KCNB2: variants seen among roughly 807,000 people sequenced by gnomAD.
The protein encoded by KCNB2 is potassium voltage-gated channel subfamily B member 2, also known as delayed rectifier potassium channel protein.
Under a neutral mutation model 61.5 loss-of-function variants are expected in KCNB2, and 15 were observed. The ratio of observed to expected loss-of-function variants is 0.24; its 90% CI spans 0.16 to 0.38. The LOEUF is 0.38. Ranked by LOEUF, KCNB2 falls within the 10% of genes least tolerant of loss-of-function variation. The probability of loss-of-function intolerance (pLI) is 1.00; values close to 1 mark genes in which losing one functional copy is unlikely to be tolerated. For missense variants in KCNB2, 828 were observed against 1,125.2 expected, an observed-to-expected ratio of 0.74 and a Z score of 3.78; for synonymous variants, 457 against 446.0, an observed-to-expected ratio of 1.02 and a Z score of -0.31.
At chr8:72,599,612 A>G (rs952370352) in intron 2 of KCNB2, among the ~76,000 whole-genome samples, 2 of 152,202 alleles carry the variant, frequency 1.3e-5, no homozygotes, top group Admixed American at 6.5e-5. Context: ...TAATTAAACT[A>G]AAGAGCTTCT....
chr8:72,918,796 T>G (rs1048353201), intron 2 of KCNB2, among the ~76,000 whole-genome samples: 1 of 152,182 alleles, frequency 6.6e-6, no homozygotes, highest in Admixed American at 6.5e-5. Flanking sequence ...CCAGGGCTCA[T>G]TGGGTTGCAG....
chr8:72,537,336 ACACCCACCAAGCACC>A lies in KCNB2; in HGVS notation c.-638_-624del, dbSNP rs1274023951. On this transcript the variant is annotated 5_prime_UTR_variant, in exon 1 of 3. Transcript: ENST00000523207. ...CTCTACCCTGCTCCGCCACAGACACACACCCACCAAGCACCCACCGCCCTCCGCCCTCCGCCCTCC... is the reference window on the plus strand; with the variant it reads ...CTCTACCCTGCTCCGCCACAGACACACACCGCCCTCCGCCCTCCGCCCTCC... The A allele has an allele frequency of 6.6e-6, 1 of 151,098 alleles. No homozygotes were observed. Among genetic ancestry groups the A allele is most frequent in the Non-Finnish European group, 1.5e-5 (1 of 67,746 alleles). 9.4% of individuals were successfully genotyped at this position (151,098 alleles called of 1,614,324 possible).
chr8:72,661,629 G>A (rs1348078766), intron 2 of KCNB2, among the ~76,000 whole-genome samples: 2 of 152,262 alleles, frequency 1.3e-5, no homozygotes, highest in East Asian at 1.9e-4. Flanking sequence ...CTTCCTTGAG[G>A]AGTAGAATTT....
chr8:72,567,084 G>A (rs953596557), intron 1 of KCNB2, among the ~76,000 whole-genome samples: 3 of 152,214 alleles, frequency 2.0e-5, no homozygotes, highest in East Asian at 1.9e-4. Context: ...ACTTTGGAAC[G>A]CTGAGGCAGG....
At chr8:72,656,617 C>T (rs551183017) in intron 2 of KCNB2, among the ~76,000 whole-genome samples, 2 of 152,194 alleles carry the variant, frequency 1.3e-5, no homozygotes, top group African/African-American at 2.4e-5. Context: ...AGTCAAGTTA[C>T]GATTATAATG....
chr8:72,904,404 G>A (rs985081537), intron 2 of KCNB2, among the ~76,000 whole-genome samples: 5 of 152,088 alleles, frequency 3.3e-5, no homozygotes, highest in Admixed American at 3.3e-4. Context: ...AGAATAACTT[G>A]TGGGTGCTGG....
chr8:72,557,401 TTTTAC>T, intron 1 of KCNB2, among the ~76,000 whole-genome samples: 1 of 77,290 alleles, frequency 1.3e-5, no homozygotes. Context: ...CATTCTTTTC[TTTTAC>T]TTTTCTTTAT....
intron 1 of KCNB2, among the ~76,000 whole-genome samples, chr8:72,538,954 T>G (rs570384593): frequency 6.6e-6 from 1 of 152,338 alleles, no homozygotes; most frequent in African/African-American, 2.4e-5. Flanking sequence ...GTCAAAAATC[T>G]TGTCTTACCT....
intron 2 of KCNB2, among the ~76,000 whole-genome samples, chr8:72,657,892 T>C (rs1161662078): frequency 6.6e-6 from 1 of 152,174 alleles, no homozygotes; most frequent in Non-Finnish European, 1.5e-5. Context: ...TTCGCACCCA[T>C]ATAAGACAGA....
At chr8:72,909,530 G>A (rs1172495323) in intron 2 of KCNB2, among the ~76,000 whole-genome samples, 1 of 152,092 alleles carries the variant, frequency 6.6e-6, no homozygotes, top group Non-Finnish European at 1.5e-5. Flanking sequence ...AAGCTTTATG[G>A]TGAGAACAAT....
At chr8:72,913,470 T>A (rs1806336833) in intron 2 of KCNB2, among the ~76,000 whole-genome samples, 1 of 152,214 alleles carries the variant, frequency 6.6e-6, no homozygotes, top group Admixed American at 6.5e-5. Context: ...CTTATAGAAA[T>A]ACCAAGGTAC....
intron 2 of KCNB2, among the ~76,000 whole-genome samples, chr8:72,717,141 C>G (rs1807458501): frequency 6.6e-6 from 1 of 152,142 alleles, no homozygotes; most frequent in Non-Finnish European, 1.5e-5. Flanking sequence ...AACTACAAAT[C>G]ACAACTCAAT....
At chr8:72,933,845 T>A (rs1806842167) in intron 2 of KCNB2, among the ~76,000 whole-genome samples, 1 of 152,236 alleles carries the variant, frequency 6.6e-6, no homozygotes, top group Non-Finnish European at 1.5e-5. Flanking sequence ...GACCTTTATT[T>A]TTCTATTGTG....
chr8:72,896,397 A>G (rs962293768), intron 2 of KCNB2, among the ~76,000 whole-genome samples: 4 of 152,154 alleles, frequency 2.6e-5, no homozygotes, highest in South Asian at 2.1e-4. Context: ...TGAGCACAGT[A>G]TCTTTCATAA....
At position 72,607,542 on chromosome 8, in the gene KCNB2, G is replaced by A. The variant is rs114569229; in HGVS notation, c.579+39229G>A. On this transcript the variant is annotated intron_variant, in intron 2 of 2. Coordinates refer to ENST00000523207, the MANE Select transcript of KCNB2 (RefSeq NM_004770.3). ...CTGGCAAATGCAAATATATTGAAAT[G>A]TATGAAGAATAATGAGGATAAAACA... Among the ~76,000 whole-genome samples, 1,253 of 152,290 alleles carry A rather than the reference G, an allele frequency of 8.2e-3. 13 individuals are homozygous for A. Among genetic ancestry groups the A allele is most frequent in the African/African-American group, 0.028 (1,169 of 41,542 alleles).
In KCNB2 at chr8:72,561,747, G is replaced by GTGTA. The variant is rs1563523487; in HGVS notation, c.-93-5894_-93-5893insGTAT. On this transcript the variant is annotated intron_variant, in intron 1 of 2. Coordinates refer to ENST00000523207, the MANE Select transcript of KCNB2 (RefSeq NM_004770.3). ...TATATATCTATATCTATATATATAT[G>GTGTA]TATATATATATATGGATATATATAT... 5.0e-4 allele frequency among the ~76,000 whole-genome samples: 8 copies of GTGTA among 16,038 alleles called. 1 individual carries two copies. The highest frequency in any genetic ancestry group is 7.2e-4 in the African/African-American group (2 of 2,792). 10.5% of individuals were successfully genotyped at this position (16,038 alleles called of 152,430 possible). A position where few individuals can be genotyped will look rare whatever the true frequency, so the allele number is the denominator to read the frequency against.
chr8:72,646,981 C>T (rs1806139066), intron 2 of KCNB2, among the ~76,000 whole-genome samples: 1 of 152,068 alleles, frequency 6.6e-6, no homozygotes, highest in Non-Finnish European at 1.5e-5. Context: ...GGTTAAGTAA[C>T]CTCAAGATCA....
intron 2 of KCNB2, among the ~76,000 whole-genome samples, chr8:72,654,611 T>C (rs1806261927): frequency 6.6e-6 from 1 of 152,196 alleles, no homozygotes; most frequent in Admixed American, 6.6e-5. Context: ...ATGGGTTTTC[T>C]TAAAAAATTT....
chr8:72,600,235 C>T (rs1232404570), intron 2 of KCNB2, among the ~76,000 whole-genome samples: 2 of 152,076 alleles, frequency 1.3e-5, no homozygotes, highest in Non-Finnish European at 2.9e-5. Context: ...AAATGTGGCA[C>T]ATATACACCA....
Sources: gnomAD v4.1 joint callset for allele counts (sites outside exome capture counted in the v4.1 genomes callset) on GRCh38, gnomAD v4.1.1 for gene constraint, MANE v1.5 for transcripts, NCBI Gene and HGNC (gene_info 2026-07-23, HGNC 2026-07-21) for gene names.